Variants in DCC observed in about 807,000 individuals in gnomAD.
The protein encoded by DCC is DCC netrin 1 receptor.
DCC carries 58 observed loss-of-function variants against 172.5 expected under a neutral mutation model. The ratio of observed to expected loss-of-function variants is 0.34; its 90% CI spans 0.27 to 0.42. The LOEUF (loss-of-function observed/expected upper bound fraction) is 0.42, where lower values mean the gene tolerates loss of function less well. DCC is among the 10% of genes least tolerant of loss of function. DCC has a pLI of 1.00. For synonymous variants in DCC, 709 were observed against 644.5 expected, an observed-to-expected ratio of 1.10 and a Z score of -1.52; for missense variants, 1,740 against 1,791.0, an observed-to-expected ratio of 0.97 and a Z score of 0.51.
chr18:53,308,519 A>G (rs1021866137), intron 13 of DCC, among the ~76,000 whole-genome samples: 20 of 152,304 alleles, frequency 1.3e-4, no homozygotes, highest in South Asian at 1.0e-3. Context: ...TGCTAACTCA[A>G]TATCATCTGA....
At chr18:53,426,425 A>G (rs1568123752) in intron 21 of DCC, among the ~76,000 whole-genome samples, 12 of 51,860 alleles carry the variant, frequency 2.3e-4, no homozygotes, top group Non-Finnish European at 1.4e-4. Context: ...ATATATATTT[A>G]TATATTTATA....
chr18:53,211,121 A>G (rs2055744552), intron 11 of DCC, among the ~76,000 whole-genome samples: 1 of 152,210 alleles, frequency 6.6e-6, no homozygotes, highest in African/African-American at 2.4e-5. Flanking sequence ...CCAAATGCAG[A>G]AGGACCTGAT....
At chr18:52,646,842 T>A (rs1453291915) in intron 1 of DCC, among the ~76,000 whole-genome samples, 1 of 152,140 alleles carries the variant, frequency 6.6e-6, no homozygotes, top group African/African-American at 2.4e-5. Context: ...AATCTCGAGC[T>A]CCCTCTCTTT....
intron 2 of DCC, among the ~76,000 whole-genome samples, chr18:52,824,892 C>T (rs1375323474): frequency 6.6e-6 from 1 of 152,000 alleles, no homozygotes; most frequent in African/African-American, 2.4e-5. Flanking sequence ...ATCACTTGAA[C>T]CCAGGACACA....
chr18:52,928,639 C>A (rs8084200), intron 5 of DCC, among the ~76,000 whole-genome samples: 59,656 of 151,928 alleles, frequency 0.39, 12,322 homozygotes, highest in Non-Finnish European at 0.47. Context: ...TGAGTTCAAA[C>A]CATGTGAGAC....
intron 25 of DCC, among the ~76,000 whole-genome samples, chr18:53,479,738 T>G (rs1395171285): frequency 1.3e-5 from 2 of 152,206 alleles, no homozygotes; most frequent in African/African-American, 4.8e-5. Flanking sequence ...CCAACTTAGC[T>G]TCTAGAAAGA....
intron 1 of DCC, among the ~76,000 whole-genome samples, chr18:52,622,296 A>G (rs1431005760): frequency 2.0e-5 from 3 of 152,228 alleles, no homozygotes; most frequent in African/African-American, 4.8e-5. Context: ...TAAGAGGCAT[A>G]GAAGTTTCTC....
At chr18:52,484,300 A>G (rs536771179) in intron 1 of DCC, among the ~76,000 whole-genome samples, 2 of 152,252 alleles carry the variant, frequency 1.3e-5, no homozygotes, top group South Asian at 4.1e-4. Flanking sequence ...TTCAGGGCAG[A>G]GAGACATTTG....
chr18:52,792,585 G>T (rs2145208213), intron 2 of DCC, among the ~76,000 whole-genome samples: 1 of 152,310 alleles, frequency 6.6e-6, no homozygotes, highest in African/African-American at 2.4e-5. Context: ...TATGCCATAT[G>T]CCCAGAAACC....
At chr18:52,451,478 T>A (rs1988302732) in intron 1 of DCC, among the ~76,000 whole-genome samples, 2 of 152,072 alleles carry the variant, frequency 1.3e-5, no homozygotes, top group Admixed American at 6.6e-5. Flanking sequence ...AAAGCCTCAC[T>A]GTGTTAAACC....
chr18:52,978,909 T>C (rs1345702880), intron 5 of DCC, among the ~76,000 whole-genome samples: 1 of 152,226 alleles, frequency 6.6e-6, no homozygotes, highest in East Asian at 1.9e-4. Context: ...TTTTTATGGC[T>C]GAGTAGTATT....
At chr18:52,925,198 T>G (rs778749218) in intron 4 of DCC, 36 bp from the exon 5 acceptor site, 2 of 1,603,050 alleles carry the variant, frequency 1.2e-6, no homozygotes, top group Non-Finnish European at 1.7e-6. Context: ...TATATACATA[T>G]GTTAATTTAC....
intron 25 of DCC, among the ~76,000 whole-genome samples, chr18:53,484,164 T>A (rs897783439): frequency 2.0e-5 from 3 of 151,940 alleles, no homozygotes; most frequent in African/African-American, 7.2e-5. Context: ...AACTAACAAC[T>A]ACCTGAGATT....
intron 2 of DCC, among the ~76,000 whole-genome samples, chr18:52,836,901 C>T (rs1446189930): frequency 1.3e-5 from 2 of 152,254 alleles, no homozygotes; most frequent in African/African-American, 4.8e-5. Context: ...TCTGCCTTTG[C>T]AGGAAACTTC....
chr18:52,810,540 G>T (rs906538178), intron 2 of DCC, among the ~76,000 whole-genome samples: 2 of 152,174 alleles, frequency 1.3e-5, no homozygotes, highest in Non-Finnish European at 2.9e-5. Context: ...TCAGTGGAGA[G>T]GGGGACATAG....
At chr18:52,982,630 C>T (rs1461353983) in intron 5 of DCC, among the ~76,000 whole-genome samples, 1 of 152,088 alleles carries the variant, frequency 6.6e-6, no homozygotes, top group Non-Finnish European at 1.5e-5. Flanking sequence ...CTAGCATCCT[C>T]CTTACCTTCC....
intron 8 of DCC, 78 bp from the exon 9 acceptor site, chr18:53,178,884 C>G (rs1012219425): frequency 9.2e-6 from 14 of 1,528,144 alleles, no homozygotes; most frequent in Non-Finnish European, 1.2e-5. Flanking sequence ...CACCTCACTA[C>G]TCTTGCACAT....
rs541642756 is a variant in DCC, at chr18:53,317,506, G to A, written c.2054-4541G>A. Among the ~76,000 whole-genome samples, 59 of 152,284 alleles carry A rather than the reference G, an allele frequency of 3.9e-4. 1 individual carries two copies. The South Asian group carries it at 0.012, about 32-fold the overall frequency. ...GATGCTGGCCTCATAAAATGAGTTA[G>A]AGAGGAGTCCCTCTTTTTCTGTTGT... is the stretch of plus-strand genomic sequence containing the variant. On this transcript the variant is annotated intron_variant, in intron 13 of 28. Coordinates refer to ENST00000442544, the MANE Select transcript of DCC (RefSeq NM_005215.4).
At chr18:52,939,758 A>G (rs1311432135) in intron 5 of DCC, among the ~76,000 whole-genome samples, 1 of 152,176 alleles carries the variant, frequency 6.6e-6, no homozygotes, top group Admixed American at 6.6e-5. Flanking sequence ...CATGCCAGAA[A>G]GTAGAACTTG....
Sources: gnomAD v4.1 joint callset for allele counts (sites outside exome capture counted in the v4.1 genomes callset) on GRCh38, gnomAD v4.1.1 for gene constraint, MANE v1.5 for transcripts, NCBI Gene and HGNC (gene_info 2026-07-23, HGNC 2026-07-21) for gene names.